The following ADGRB1 variants were observed in gnomAD, a reference collection of about 807,000 sequenced individuals.
ADGRB1 encodes the protein brain-specific angiogenesis inhibitor 1.
In ADGRB1, 36 loss-of-function variants were observed where a neutral mutation model predicts 175.7. The observed-to-expected ratio is 0.20, with a 90% confidence interval of 0.16 to 0.27. The LOEUF (loss-of-function observed/expected upper bound fraction) is 0.27. Ranked by LOEUF, ADGRB1 falls within the 10% of genes least tolerant of loss-of-function variation. ADGRB1 has a pLI of 1.00. For missense variants in ADGRB1, 1,731 were observed against 2,255.3 expected (o/e 0.77, Z 4.71); for synonymous variants, 1,054 against 979.4 (o/e 1.08, Z -1.42).
At chr8:142,520,992 GGGGCCTGGACCGT>G in intron 20 of ADGRB1, 67 bp downstream of exon 20, 1 of 1,486,850 alleles carries the variant, frequency 6.7e-7, no homozygotes, top group Non-Finnish European at 9.3e-7. Context: ...GACCCCAGGA[GGGGCCTGGACCGT>G]GGGATCCCTG....
In ADGRB1 at chr8:142,537,353, C is replaced by T. The variant is rs902673407; in HGVS notation, c.3666+271C>T. Among the ~76,000 whole-genome samples the T allele has an allele frequency of 1.2e-4, 18 of 152,054 alleles. No homozygotes were observed. Among genetic ancestry groups the T allele is most frequent in the Non-Finnish European group, 2.1e-4 (14 of 67,988 alleles). ...ACACTCACCCCCGCTGGCAGCAGTG[C>T]CCGTCTGGCTGGACACCACCCTCTG... is the stretch of plus-strand genomic sequence containing the variant. On this transcript the variant is annotated intron_variant, in intron 26 of 30. Coordinates refer to ENST00000517894, the MANE Select transcript of ADGRB1 (RefSeq NM_001702.3). The surrounding 1 kb of genome is among the most constrained non-coding windows in gnomAD (Gnocchi z 4.6).
At chr8:142,490,675 G>A (rs1003986900) in intron 16 of ADGRB1, 97 bp from the exon 17 acceptor site, 2 of 1,389,802 alleles carry the variant, frequency 1.4e-6, no homozygotes, top group Non-Finnish European at 2.0e-6. Flanking sequence ...CAGGTAGCAT[G>A]CCTGGTAGCA....
At position 142,488,653 on chromosome 8, in the gene ADGRB1, C is replaced by G. The variant is rs1841820674; in HGVS notation, c.2452+146C>G. The G allele has an allele frequency of 5.9e-5, 68 of 1,152,332 alleles. No homozygotes were observed. In the South Asian group the frequency reaches 1.0e-3, roughly 18 times the overall value. The allele number at this position is 1,152,332 out of a possible 1,614,324, so 71.4% of individuals were successfully genotyped here. ...CTCTTTTCCAGGAAGCCCTCCTTGCCCTCTCTGGGGCCAGGGCCTGCGGAT... is the reference window on the plus strand; with the variant it reads ...CTCTTTTCCAGGAAGCCCTCCTTGCGCTCTCTGGGGCCAGGGCCTGCGGAT... On this transcript the variant is annotated intron_variant, in intron 14 of 30. Coordinates refer to ENST00000517894, the MANE Select transcript of ADGRB1 (RefSeq NM_001702.3).
chr8:142,538,692 A>G (rs1218573193), intron 26 of ADGRB1, among the ~76,000 whole-genome samples: 1 of 151,908 alleles, frequency 6.6e-6, no homozygotes, highest in Non-Finnish European at 1.5e-5. Flanking sequence ...TGGGCCGCCC[A>G]CTCCTGCCTC....
At chr8:142,486,426 C>G (rs1841674251) in intron 13 of ADGRB1, among the ~76,000 whole-genome samples, 1 of 152,212 alleles carries the variant, frequency 6.6e-6, no homozygotes. Flanking sequence ...GGGTTGATGA[C>G]CCAGTGTTTT....
At chr8:142,527,733 T>C (rs1327027922) in intron 24 of ADGRB1, among the ~76,000 whole-genome samples, 2 of 152,230 alleles carry the variant, frequency 1.3e-5, no homozygotes, top group South Asian at 4.1e-4. Context: ...GGTCTGAGCA[T>C]GGCAGACTGC....
chr8:142,530,924 G>T (rs1157655408), intron 24 of ADGRB1, among the ~76,000 whole-genome samples: 1 of 152,256 alleles, frequency 6.6e-6, no homozygotes, highest in Non-Finnish European at 1.5e-5. Context: ...GCTCTCTGCA[G>T]AAATGTTTCC....
intron 24 of ADGRB1, among the ~76,000 whole-genome samples, chr8:142,528,653 TC>T (rs1396790232): frequency 6.6e-6 from 1 of 151,168 alleles, no homozygotes; most frequent in Non-Finnish European, 1.5e-5. Flanking sequence ...TGTTAGTGCC[TC>T]CGCTGCCACC....
intron 1 of ADGRB1, among the ~76,000 whole-genome samples, chr8:142,459,401 G>A (rs565105864): frequency 6.6e-6 from 1 of 152,272 alleles, no homozygotes; most frequent in East Asian, 1.9e-4. Context: ...CGAGGCCAGA[G>A]GTACAGCTGT....
chr8:142,481,784 A>T lies in ADGRB1; in HGVS notation c.2130+73A>T, dbSNP rs1218154844. ...TGGGGAGCCCTCCTCGACCTTAGAG[A>T]TGGATCCCCAACCCTGGCCACAGCC... On this transcript the variant is annotated intron_variant, in intron 11 of 30. Coordinates refer to ENST00000517894, the MANE Select transcript of ADGRB1 (RefSeq NM_001702.3). 8 of 1,334,638 alleles carry T rather than the reference A, an allele frequency of 6.0e-6. No homozygotes were observed. In the African/African-American group the frequency reaches 1.2e-4, roughly 20 times the overall value. 82.7% of individuals were successfully genotyped at this position (1,334,638 alleles called of 1,614,324 possible).
At position 142,464,889 on chromosome 8, in the gene ADGRB1, C is replaced by G. The variant is rs537246737; in HGVS notation, c.691C>G (p.Arg231Gly). 7 of 1,525,284 alleles carry G rather than the reference C, an allele frequency of 4.6e-6. No individual in the cohort carries two copies. The Admixed American group carries it at 1.2e-4, about 26-fold the overall frequency. 94.5% of individuals were successfully genotyped at this position (1,525,284 alleles called of 1,614,324 possible). A position where few individuals can be genotyped will look rare whatever the true frequency, so the allele number is the denominator to read the frequency against. Residue 231 changes from arginine to glycine, a missense_variant, in exon 2 of 31, where the codon CGC (arginine) becomes GGC (glycine). Arg to Gly is a moderately radical substitution (Grantham distance 125). Transcript: ENST00000517894. ...GGPAAGPLAPRGDVCLRDAVA... is the reference protein window; with the variant it reads ...GGPAAGPLAPGGDVCLRDAVA... The stretch of plus-strand genomic sequence containing the variant: ...CCCTGCCGCGGGACCCCTGGCCCCC[C>G]GCGGGGATGTCTGCTTGAGAGATGC...
intron 17 of ADGRB1, among the ~76,000 whole-genome samples, chr8:142,501,475 GGTGATGATGGGGTGGTGGTA>G (rs1478175304): frequency 2.8e-5 from 4 of 142,892 alleles, no homozygotes; most frequent in Non-Finnish European, 4.6e-5. Flanking sequence ...GGGTGGTGGT[GGTGATGATGGGGTGGTGGTA>G]GTGATGTTTG....
rs371054572 is a variant in ADGRB1, at chr8:142,487,366, G to A, written c.2309-998G>A. Among the ~76,000 whole-genome samples the A allele has an allele frequency of 2.1e-3, 313 of 152,206 alleles. 2 individuals are homozygous for A. The Middle Eastern group carries it at 0.031, about 15-fold the overall frequency. On this transcript the variant is annotated intron_variant, in intron 13 of 30. Transcript: ENST00000517894. Reference sequence around the variant, plus strand: ...GACATTTCTTCTTGTCCTCACCCCCGGTTCTCTGATGGTCCCTCCTGCCCC... The same window carrying A: ...GACATTTCTTCTTGTCCTCACCCCCAGTTCTCTGATGGTCCCTCCTGCCCC...
At chr8:142,533,509 C>T in intron 25 of ADGRB1, 43 bp downstream of exon 25, 2 of 1,540,308 alleles carry the variant, frequency 1.3e-6, no homozygotes, top group Non-Finnish European at 1.8e-6. Flanking sequence ...CTGCGGGGTC[C>T]TGGGGCTGCC....
chr8:142,455,490 A>T lies in ADGRB1; in HGVS notation c.-220+5386A>T, dbSNP rs1449848342. Among the ~76,000 whole-genome samples the T allele has an allele frequency of 6.6e-6, 1 of 152,026 alleles. No individual in the cohort carries two copies. The highest frequency in any genetic ancestry group is 1.9e-4 in the East Asian group (1 of 5,146). On this transcript the variant is annotated intron_variant, in intron 1 of 30. Transcript: ENST00000517894. This position sits in a 1 kb window ranked among gnomAD's most constrained non-coding sequence, Gnocchi z 4.9. ...CAACCACTTGCCTTCCTGGGAGAGG[A>T]GCATGCGGCAGGCTGGTCCCCTGCA...
At position 142,542,402 on chromosome 8, in the gene ADGRB1, G is replaced by A. The variant is rs1239694222; in HGVS notation, c.4168G>A (p.Ala1390Thr). The A allele has an allele frequency of 9.4e-6, 12 of 1,276,942 alleles. No homozygotes were observed. Among genetic ancestry groups the A allele is most frequent in the African/African-American group, 6.0e-5 (3 of 50,078 alleles). The allele number at this position is 1,276,942 out of a possible 1,614,324, so 79.1% of individuals were successfully genotyped here. Residue 1390 changes from alanine to threonine, a missense_variant, in exon 28 of 31, where the codon GCC becomes ACC. By Grantham distance (58) the Ala-to-Thr change is moderately conservative. Coordinates refer to ENST00000517894, the MANE Select transcript of ADGRB1 (RefSeq NM_001702.3). The surrounding 1 kb of genome is among the most constrained non-coding windows in gnomAD (Gnocchi z 6.3). ...CACGGCCCCCGAGGCCAGCCTCCCC[G>A]CCCGCAGCCCGCCCTCCCGCCAGCC... ...LSTAPEASLP[A>T]RSPPSRQPPS... is the part of the protein sequence containing the mutation.
rs747587417 is a variant in ADGRB1 at position 142,533,457 on chromosome 8, C to T, written c.3561C>T (p.Leu1187=). The T allele has an allele frequency of 6.2e-7, 1 of 1,602,182 alleles. No individual in the cohort carries two copies. The highest frequency in any genetic ancestry group is 8.5e-7 in the Non-Finnish European group (1 of 1,171,478). Reference sequence around the variant, plus strand: ...TCATCGTCATGGTGCACTGTATCCTCCGTAGAGAGGTGGGTGAGGCAGCCT... The same window carrying T: ...TCATCGTCATGGTGCACTGTATCCTTCGTAGAGAGGTGGGTGAGGCAGCCT... ...GFVIVMVHCI[L]RREVQDAVKC... Residue 1187 remains leucine (L), a synonymous_variant, in exon 25 of 31, where the codon CTC becomes CTT. Transcript: ENST00000517894.
At chr8:142,489,263 G>A in intron 15 of ADGRB1, 73 bp from the exon 16 acceptor site, 4 of 1,578,046 alleles carry the variant, frequency 2.5e-6, no homozygotes, top group Admixed American at 1.7e-5. Flanking sequence ...GCCCTCGGGG[G>A]CACCTGGGGA....
In ADGRB1 at chr8:142,478,211, A is replaced by G. The variant is rs1841101735; in HGVS notation, c.1412A>G (p.Asn471Ser). The G allele has an allele frequency of 3.7e-6, 6 of 1,607,548 alleles. No homozygotes were observed. The highest frequency in any genetic ancestry group is 5.1e-6 in the Non-Finnish European group (6 of 1,177,792). The stretch of plus-strand genomic sequence containing the variant: ...GGCCGGGCAGTGGATGGAAACTGGA[A>G]TGAGTGGTCGAGCTGGAGCGCCTGC... ...CPGRAVDGNWNEWSSWSACSA... is the reference protein window; with the variant it reads ...CPGRAVDGNWSEWSSWSACSA... Residue 471 changes from asparagine (N) to serine (S), a missense_variant, in exon 7 of 31, where the codon AAT becomes AGT. Asn to Ser is a conservative substitution (Grantham distance 46). Coordinates refer to ENST00000517894, the MANE Select transcript of ADGRB1 (RefSeq NM_001702.3).
Sources: gnomAD v4.1 joint callset for allele counts (sites outside exome capture counted in the v4.1 genomes callset) on GRCh38, gnomAD v4.1.1 for gene constraint, Gnocchi (gnomAD v3.1) non-coding constraint, MANE v1.5 for transcripts, NCBI Gene and HGNC (gene_info 2026-07-23, HGNC 2026-07-21) for gene names.